Variants in DGKG observed in about 807,000 individuals in gnomAD.
DGKG encodes diacylglycerol kinase gamma.
DGKG carries 78 observed loss-of-function variants against 105.3 expected under a neutral mutation model. The observed-to-expected ratio is 0.74, with a 90% CI of 0.62 to 0.89. DGKG has a LOEUF of 0.89. DGKG is among the 40% of genes least tolerant of loss of function. DGKG has a pLI of 0.00. For missense variants in DGKG, 958 were observed against 1,020.1 expected (o/e 0.94, Z 0.83); for synonymous variants, 346 against 367.1 (o/e 0.94, Z 0.66).
chr3:186,287,336 A>G (rs962833237), intron 6 of DGKG, among the ~76,000 whole-genome samples: 1 of 152,196 alleles, frequency 6.6e-6, no homozygotes, highest in Non-Finnish European at 1.5e-5. Flanking sequence ...AGATTATATG[A>G]TGCCTGGAAT....
chr3:186,271,798 T>C (rs1326732390), intron 11 of DGKG, among the ~76,000 whole-genome samples: 1 of 152,196 alleles, frequency 6.6e-6, no homozygotes, highest in Non-Finnish European at 1.5e-5. Context: ...CCTTTACACA[T>C]GAGGCTTCCT....
chr3:186,327,336 C>T (rs1725389121), intron 1 of DGKG, among the ~76,000 whole-genome samples: 1 of 151,388 alleles, frequency 6.6e-6, no homozygotes, highest in Admixed American at 6.6e-5. Context: ...CTTATTTCCC[C>T]CTTTCCTCCT....
At chr3:186,234,919 T>C (rs1470766595) in intron 20 of DGKG, among the ~76,000 whole-genome samples, 1 of 152,212 alleles carries the variant, frequency 6.6e-6, no homozygotes. Flanking sequence ...TCCACCACTG[T>C]AGATGATCCA....
chr3:186,154,114 A>G (rs568576257), intron 24 of DGKG, among the ~76,000 whole-genome samples: 1 of 152,174 alleles, frequency 6.6e-6, no homozygotes, highest in East Asian at 1.9e-4. Flanking sequence ...ACAAAACAAC[A>G]AAAAAGAAAA....
intron 13 of DGKG, among the ~76,000 whole-genome samples, chr3:186,266,681 T>C (rs182978359): frequency 3.9e-4 from 59 of 152,290 alleles, no homozygotes; most frequent in Admixed American, 3.5e-3. Flanking sequence ...CACTGCAACC[T>C]CCACCTCCCA....
At chr3:186,302,472 A>AGC (rs1453565138) in intron 3 of DGKG, among the ~76,000 whole-genome samples, 1 of 21,814 alleles carries the variant, frequency 4.6e-5, no homozygotes, top group Non-Finnish European at 1.0e-4. Context: ...ATATATATAT[A>AGC]TATATATATA....
At chr3:186,299,093 C>T (rs904481614) in intron 3 of DGKG, among the ~76,000 whole-genome samples, 3 of 152,222 alleles carry the variant, frequency 2.0e-5, no homozygotes, top group Non-Finnish European at 2.9e-5. Flanking sequence ...CACTCAACAA[C>T]AACAGTTTGC....
In DGKG at chr3:186,272,311, A is replaced by G; in HGVS notation, c.943T>C (p.Ser315Pro). ...TTGACACAACCAGGAATGTTTCTGGACACACAGCGTTCGTGGACAGTGTAT... is the reference window on the plus strand; with the variant it reads ...TTGACACAACCAGGAATGTTTCTGGGCACACAGCGTTCGTGGACAGTGTAT... ...CKYTVHERCV[S>P]RNIPGCVKTY... is the part of the protein sequence containing the mutation. The change falls in exon 11 of 25, where the codon TCC (serine) becomes CCC (proline). Residue 315 changes from serine to proline, a missense_variant. By Grantham distance (74) the Ser-to-Pro change is moderately conservative. Coordinates refer to ENST00000265022, the MANE Select transcript of DGKG (RefSeq NM_001346.3). 2.5e-6 allele frequency: 4 copies of G among 1,613,914 alleles called. No homozygotes were observed. Among genetic ancestry groups the G allele is most frequent in the Non-Finnish European group, 3.4e-6 (4 of 1,179,826 alleles).
rs1715651647 is a variant in DGKG at position 186,149,425 on chromosome 3, A to T, written c.*665T>A. Reference sequence around the variant, plus strand: ...AAGCAAACATGTAGACACCAGGAGAAGGTTCCTGGAAAATAACAAGTGCCC... The same window carrying T: ...AAGCAAACATGTAGACACCAGGAGATGGTTCCTGGAAAATAACAAGTGCCC... On this transcript the variant is annotated 3_prime_UTR_variant, in exon 25 of 25. Coordinates refer to ENST00000265022, the MANE Select transcript of DGKG (RefSeq NM_001346.3). 1 of 985,472 alleles carries T rather than the reference A, an allele frequency of 1.0e-6. No individual in the cohort carries two copies. Among genetic ancestry groups the T allele is most frequent in the Non-Finnish European group, 1.2e-6 (1 of 829,966 alleles). 61.0% of individuals were successfully genotyped at this position (985,472 alleles called of 1,614,324 possible). A position where few individuals can be genotyped will look rare whatever the true frequency, so the allele number is the denominator to read the frequency against.
At chr3:186,156,260 CT>C (rs920864529) in intron 24 of DGKG, among the ~76,000 whole-genome samples, 5 of 151,234 alleles carry the variant, frequency 3.3e-5, no homozygotes, top group Non-Finnish European at 5.9e-5. Flanking sequence ...AACTGGGGGG[CT>C]TTTTTTTGCT....
intron 1 of DGKG, among the ~76,000 whole-genome samples, chr3:186,345,913 T>C (rs376245835): frequency 6.6e-6 from 1 of 151,984 alleles, no homozygotes; most frequent in Admixed American, 6.6e-5. Context: ...GGATTACAGG[T>C]GCCCGCCACC....
At chr3:186,314,399 G>A (rs769197084) in intron 2 of DGKG, among the ~76,000 whole-genome samples, 26 of 152,142 alleles carry the variant, frequency 1.7e-4, no homozygotes, top group African/African-American at 1.4e-4. Context: ...TCTTCTGGAC[G>A]TAGTAGTCTC....
At chr3:186,227,430 G>C (rs1358746393) in intron 20 of DGKG, among the ~76,000 whole-genome samples, 3 of 152,166 alleles carry the variant, frequency 2.0e-5, no homozygotes, top group African/African-American at 7.2e-5. Context: ...GGCAGAGTAA[G>C]GGCTGAAACT....
intron 1 of DGKG, among the ~76,000 whole-genome samples, chr3:186,327,393 T>TG (rs1205185588): frequency 6.7e-6 from 1 of 149,262 alleles, no homozygotes; most frequent in East Asian, 1.9e-4. Context: ...TCTTCTTCTT[T>TG]TTTTTTTTTT....
chr3:186,192,208 T>C (rs2268853), intron 21 of DGKG, among the ~76,000 whole-genome samples: 93,646 of 151,950 alleles, frequency 0.62, 29,110 homozygotes, highest in East Asian at 0.76. Context: ...GATGGGGTTT[T>C]ACCATGTTGG....
intron 10 of DGKG, among the ~76,000 whole-genome samples, chr3:186,275,087 A>G (rs1722516340): frequency 6.6e-6 from 1 of 152,164 alleles, no homozygotes; most frequent in Non-Finnish European, 1.5e-5. Flanking sequence ...CCATGTTGGC[A>G]GGGCCGGTCT....
chr3:186,292,157 C>T (rs1416387272), intron 5 of DGKG, among the ~76,000 whole-genome samples: 1 of 152,166 alleles, frequency 6.6e-6, no homozygotes, highest in African/African-American at 2.4e-5. Flanking sequence ...ATGTCCTAAA[C>T]CCTTTCATGT....
At chr3:186,239,822 C>T (rs780879422) in intron 20 of DGKG, among the ~76,000 whole-genome samples, 12 of 151,652 alleles carry the variant, frequency 7.9e-5, no homozygotes, top group East Asian at 3.9e-4. Context: ...TATAGGATCT[C>T]GGAAGGGAGA....
intron 21 of DGKG, 52 bp from the exon 22 acceptor site, chr3:186,188,431 C>T (rs751828559): frequency 1.3e-6 from 2 of 1,586,650 alleles, no homozygotes; most frequent in African/African-American, 1.3e-5. Context: ...TGTGTCACAA[C>T]CCAAGGTGCT....
Sources: allele counts gnomAD v4.1 joint callset (sites outside exome capture counted in the v4.1 genomes callset), GRCh38; gene constraint gnomAD v4.1.1; transcripts MANE v1.5; gene names NCBI Gene and HGNC (gene_info 2026-07-23, HGNC 2026-07-21).